Variants in USP25 observed in about 807,000 individuals in gnomAD.
USP25 encodes ubiquitin specific peptidase 25, also known as ubiquitin carboxyl-terminal hydrolase 25.
A neutral mutation model predicts 158.5 loss-of-function variants in USP25; 85 were observed. The ratio of observed to expected loss-of-function variants is 0.54; its 90% CI spans 0.45 to 0.64. The LOEUF (loss-of-function observed/expected upper bound fraction) is 0.64. Among genes scored for constraint, USP25 ranks in the 30% least tolerant of loss-of-function variants. The pLI is 0.00. For synonymous variants in USP25, 464 were observed against 460.4 expected, an observed-to-expected ratio of 1.01 and a Z score of -0.10; for missense variants, 1,242 against 1,327.3, an observed-to-expected ratio of 0.94 and a Z score of 1.00.
intron 7 of USP25, chr21:15,805,752 A>C (rs1271002397): frequency 6.6e-6 from 1 of 152,258 alleles, no homozygotes; most frequent in Non-Finnish European, 1.5e-5. Flanking sequence ...CAAAATATCT[A>C]TAAACAAACC....
At chr21:15,877,764 C>T (rs1416751353) in intron 24 of USP25, 32 bp from the exon 25 acceptor site, 46 of 1,489,556 alleles carry the variant, frequency 3.1e-5, no homozygotes, top group Non-Finnish European at 4.1e-5. Flanking sequence ...AAACAAAAAC[C>T]TATTCTTTTT....
chr21:15,831,307 G>A, intron 15 of USP25, 94 bp from the exon 16 acceptor site: 1 of 1,217,896 alleles, frequency 8.2e-7, no homozygotes. Context: ...TGCTCTTATG[G>A]TTTTCTCCAA....
chr21:15,818,625 A>G, intron 9 of USP25, 73 bp from the exon 10 acceptor site: 2 of 1,336,486 alleles, frequency 1.5e-6, no homozygotes, highest in Middle Eastern at 4.1e-4. Flanking sequence ...TTCAGGTGAG[A>G]ATCCTTACGT....
At chr21:15,833,636 T>A in intron 17 of USP25, 88 bp downstream of exon 17, 1 of 1,188,924 alleles carries the variant, frequency 8.4e-7, no homozygotes, top group Non-Finnish European at 1.2e-6. Flanking sequence ...TTAGCTATCT[T>A]AAAGTGTGAG....
At chr21:15,877,747 A>G in intron 24 of USP25, 49 bp from the exon 25 acceptor site, 2 of 1,365,978 alleles carry the variant, frequency 1.5e-6, no homozygotes, top group Non-Finnish European at 2.0e-6. Flanking sequence ...TCCTTAATTT[A>G]AAAAGGAAAC....
intron 22 of USP25, among the ~76,000 whole-genome samples, chr21:15,868,018 C>T (rs988147799): frequency 5.9e-5 from 9 of 152,082 alleles, no homozygotes; most frequent in African/African-American, 1.9e-4. Context: ...AAAAATGTTA[C>T]GGAAATGCAA....
chr21:15,807,689 G>A (rs2036460265), intron 7 of USP25, among the ~76,000 whole-genome samples: 2 of 152,070 alleles, frequency 1.3e-5, no homozygotes, highest in Admixed American at 1.3e-4. Context: ...CTGTCTTCTG[G>A]TTTTCTGTTT....
At chr21:15,771,100 T>C (rs982834959) in intron 3 of USP25, among the ~76,000 whole-genome samples, 1 of 152,230 alleles carries the variant, frequency 6.6e-6, no homozygotes, top group African/African-American at 2.4e-5. Context: ...TATTGTCTAA[T>C]ATGTAGCAAG....
In USP25 at chr21:15,827,150, T is replaced by G; in HGVS notation, c.1640T>G (p.Val547Gly). 6.2e-7 allele frequency: 1 copy of G among 1,614,220 alleles called. No individual in the cohort carries two copies. Among genetic ancestry groups the G allele is most frequent in the Non-Finnish European group, 8.5e-7 (1 of 1,180,032 alleles). Residue 547 changes from valine (V) to glycine (G), a missense_variant, in exon 14 of 26, where the codon GTG (valine) becomes GGG (glycine). Transcript: ENST00000400183. The stretch of plus-strand genomic sequence containing the variant: ...CACATAACGGAGGAAGAACTTTCTG[T>G]GCTGGAAAGTTGTTTACATCGCTGG... Reference protein sequence around the residue: ...PRHITEEELSVLESCLHRWRT... With the variant: ...PRHITEEELSGLESCLHRWRT...
chr21:15,816,312 TC>T lies in USP25; in HGVS notation c.932-2384del, dbSNP rs1346873942. 6.6e-6 allele frequency among the ~76,000 whole-genome samples: 1 copy of T among 152,146 alleles called. No homozygotes were observed. Among genetic ancestry groups the T allele is most frequent in the Non-Finnish European group, 1.5e-5 (1 of 68,020 alleles). ...CTTCCCAGCCATGTGGAACTGTAGT[TC>T]CAATTAATCCTCTTTTTCTTCCCAG... On this transcript the variant is annotated intron_variant, in intron 9 of 25. Coordinates refer to ENST00000400183, the MANE Select transcript of USP25 (RefSeq NM_001283041.3). This position sits in a 1 kb window ranked among gnomAD's most constrained non-coding sequence, Gnocchi z 4.0.
At chr21:15,853,505 T>C (rs1026967200) in intron 20 of USP25, among the ~76,000 whole-genome samples, 1 of 152,236 alleles carries the variant, frequency 6.6e-6, no homozygotes, top group Non-Finnish European at 1.5e-5. Context: ...TTAAACAGGT[T>C]TTAAAATAGT....
At chr21:15,871,643 G>A (rs984759084) in intron 23 of USP25, among the ~76,000 whole-genome samples, 2 of 152,110 alleles carry the variant, frequency 1.3e-5, no homozygotes, top group Non-Finnish European at 2.9e-5. Context: ...TTCTGTATTA[G>A]TTGTTCCCAG....
chr21:15,813,854 G>T (rs1191490231), intron 9 of USP25, among the ~76,000 whole-genome samples: 1 of 151,924 alleles, frequency 6.6e-6, no homozygotes, highest in Non-Finnish European at 1.5e-5. Flanking sequence ...TCTTGCTAAG[G>T]TTATTGATTT....
chr21:15,749,677 TTAAA>T lies in USP25; in HGVS notation c.46-13209_46-13206del, dbSNP rs1179482536. Among the ~76,000 whole-genome samples, 8 of 152,338 alleles carry T rather than the reference TTAAA, an allele frequency of 5.3e-5. No individual in the cohort carries two copies. The East Asian group carries it at 7.7e-4, about 15-fold the overall frequency. On this transcript the variant is annotated intron_variant, in intron 1 of 25. Coordinates refer to ENST00000400183, the MANE Select transcript of USP25 (RefSeq NM_001283041.3). ...AGAGGTGCACAGATAATATTGAAAG[TTAAA>T]TAAAGTATTTGTAGGTAGAACTAAG... is the stretch of plus-strand genomic sequence containing the variant.
chr21:15,841,103 G>A (rs1435173979), intron 17 of USP25, among the ~76,000 whole-genome samples: 1 of 152,030 alleles, frequency 6.6e-6, no homozygotes, highest in African/African-American at 2.4e-5. Context: ...CTTCCTTTTT[G>A]TACACATTGT....
intron 4 of USP25, 68 bp downstream of exon 4, chr21:15,778,095 A>G (rs2034763198): frequency 2.2e-6 from 3 of 1,383,624 alleles, no homozygotes; most frequent in South Asian, 1.7e-5. Context: ...ATTGGGTTAA[A>G]TTAATTTTAA....
intron 18 of USP25, 97 bp downstream of exon 18, chr21:15,842,637 G>C: frequency 6.8e-7 from 1 of 1,460,758 alleles, no homozygotes; most frequent in Non-Finnish European, 9.2e-7. Context: ...AGGAGAGACG[G>C]GGCCCAGTGA....
At chr21:15,877,333 G>A (rs1260969754) in intron 24 of USP25, 2 of 152,384 alleles carry the variant, frequency 1.3e-5, no homozygotes, top group Non-Finnish European at 2.9e-5. Flanking sequence ...GAAGGGAAAA[G>A]TGAATTGATT....
At position 15,775,670 on chromosome 21, in the gene USP25, T is replaced by C. The variant is rs114342264; in HGVS notation, c.269-2234T>C. Among the ~76,000 whole-genome samples the C allele has an allele frequency of 2.3e-3, 350 of 149,728 alleles. 5 individuals are homozygous for C. Among genetic ancestry groups the C allele is most frequent in the African/African-American group, 8.4e-3 (338 of 40,454 alleles). ...AGCTGGAAATTGGAGCCTGGAATAC[T>C]GTGGAACAACTTAAATCTTTTCAAT... On this transcript the variant is annotated intron_variant, in intron 3 of 25. Coordinates refer to ENST00000400183, the MANE Select transcript of USP25 (RefSeq NM_001283041.3).
Sources: gnomAD v4.1 joint callset for allele counts (sites outside exome capture counted in the v4.1 genomes callset) on GRCh38, gnomAD v4.1.1 for gene constraint, Gnocchi (gnomAD v3.1) non-coding constraint, MANE v1.5 for transcripts, NCBI Gene and HGNC (gene_info 2026-07-23, HGNC 2026-07-21) for gene names.